ACOT2: variants seen among roughly 807,000 people sequenced by gnomAD.
ACOT2 encodes the protein acyl-coenzyme A thioesterase 2, mitochondrial.
In ACOT2, 15 loss-of-function variants were observed where a neutral mutation model predicts 20.1. The observed-to-expected ratio is 0.75, with a 90% CI of 0.50 to 1.15. ACOT2 has a LOEUF of 1.15. Ranked by LOEUF, ACOT2 falls within the 50% of genes most tolerant of loss-of-function variation. The pLI, the probability that ACOT2 is intolerant of heterozygous loss-of-function variation, is 0.00. For synonymous variants in ACOT2, 252 were observed against 268.4 expected, an observed-to-expected ratio of 0.94 and a Z score of 0.60; for missense variants, 479 against 615.3, an observed-to-expected ratio of 0.78 and a Z score of 2.34.
chr14:73,573,247 G>A lies in ACOT2; in HGVS notation c.644-141G>A, dbSNP rs117476751. ...AAACACTTGCCAGAGGTTTCTGGAC[G>A]AACAGGTTTTCATTTCTCGTGGGTA... On this transcript the variant is annotated intron_variant, in intron 1 of 2. Transcript: ENST00000238651. 4.4e-3 allele frequency: 5,755 copies of A among 1,295,584 alleles called. 60 individuals carry two copies. The highest frequency in any genetic ancestry group is 5.5e-3 in the Non-Finnish European group (4,979 of 903,332). 80.3% of individuals were successfully genotyped at this position (1,295,584 alleles called of 1,614,324 possible). A position where few individuals can be genotyped will look rare whatever the true frequency, so the allele number is the denominator to read the frequency against.
At chr14:73,569,937 C>CT in intron 1 of ACOT2, 54 bp downstream of exon 1, 3 of 1,548,262 alleles carry the variant, frequency 1.9e-6, no homozygotes, top group Non-Finnish European at 2.6e-6. Flanking sequence ...CTTTGTGTGT[C>CT]TCCCCCGCCC....
Position 73,569,653 on chromosome 14 carries a change from A to G in ACOT2, c.413A>G (p.Glu138Gly), listed in dbSNP as rs776061863. ...CTGGGCGGCAGCTTCGCGGGGCTTG[A>G]GCCCATGGGGCTGCTCTGGGCCTTG... is the stretch of plus-strand genomic sequence containing the variant. ...PALGGSFAGL[E>G]PMGLLWALEP... The change falls in exon 1 of 3, where the codon GAG (glutamate) becomes GGG (glycine). Residue 138 changes from glutamate to glycine, a missense_variant. Transcript: ENST00000238651. 16 of 1,605,540 alleles carry G rather than the reference A, an allele frequency of 1.0e-5. No individual in the cohort carries two copies. In the Admixed American group the frequency reaches 2.7e-4, roughly 27 times the overall value.
At chr14:73,572,175 C>A (rs199933129) in intron 1 of ACOT2, among the ~76,000 whole-genome samples, 8 of 20,376 alleles carry the variant, frequency 3.9e-4, no homozygotes, top group Admixed American at 6.8e-4. Flanking sequence ...TTATAAGAGG[C>A]CAGATGAGCA....
In ACOT2 at chr14:73,574,865, T is replaced by C. The variant is rs756694560; in HGVS notation, c.847-43T>C. On this transcript the variant is annotated intron_variant, in intron 2 of 2. Coordinates refer to ENST00000238651, the MANE Select transcript of ACOT2 (RefSeq NM_006821.6). Reference sequence around the variant, plus strand: ...GACACAACTCACCATATTCCACTGTTTGTGGAATCATTCTTCTTCTTTTTC... The same window carrying C: ...GACACAACTCACCATATTCCACTGTCTGTGGAATCATTCTTCTTCTTTTTC... 18 of 1,613,090 alleles carry C rather than the reference T, an allele frequency of 1.1e-5. 1 individual carries two copies. Among genetic ancestry groups the C allele is most frequent in the Non-Finnish European group, 1.5e-5 (18 of 1,179,198 alleles).
At chr14:73,572,639 ATTTTTTTT>A (rs10565980) in intron 1 of ACOT2, among the ~76,000 whole-genome samples, 2,622 of 107,166 alleles carry the variant, frequency 0.024, 143 homozygotes, top group South Asian at 0.091. Flanking sequence ...AGGTGTTTGC[ATTTTTTTT>A]TTTTTTTTTT....
chr14:73,572,105 T>C (rs1189167390), intron 1 of ACOT2, among the ~76,000 whole-genome samples: 2 of 143,252 alleles, frequency 1.4e-5, no homozygotes, highest in South Asian at 2.3e-4. Context: ...ACAATTTGTC[T>C]TAACTTACAA....
intron 1 of ACOT2, among the ~76,000 whole-genome samples, chr14:73,570,130 C>A (rs1267471774): frequency 6.6e-6 from 1 of 151,130 alleles, no homozygotes; most frequent in African/African-American, 2.4e-5. Context: ...TTTTCCGTCC[C>A]TGCCCTTTTC....
chr14:73,572,935 C>T (rs970731604), intron 1 of ACOT2, among the ~76,000 whole-genome samples: 1 of 151,362 alleles, frequency 6.6e-6, no homozygotes, highest in South Asian at 2.1e-4. Context: ...CGTGAGCCAC[C>T]GGACCCAGCC....
rs374671936 is a variant in ACOT2, at chr14:73,573,535, C to T, written c.791C>T (p.Thr264Met). The T allele has an allele frequency of 3.4e-5, 55 of 1,613,498 alleles. 1 individual carries two copies. Among genetic ancestry groups the T allele is most frequent in the South Asian group, 1.1e-4 (10 of 91,042 alleles). ...NYEDLPKTMETLHLEYFEEAM... is the reference protein window; with the variant it reads ...NYEDLPKTMEMLHLEYFEEAM... Reference sequence around the variant, plus strand: ...GAAGACCTCCCCAAGACCATGGAGACGCTCCATCTGGAGTACTTTGAAGAA... The same window carrying T: ...GAAGACCTCCCCAAGACCATGGAGATGCTCCATCTGGAGTACTTTGAAGAA... Residue 264 changes from threonine (T) to methionine (M), a missense_variant, in exon 2 of 3, where the codon ACG becomes ATG. Coordinates refer to ENST00000238651, the MANE Select transcript of ACOT2 (RefSeq NM_006821.6).
intron 2 of ACOT2, chr14:73,574,414 G>C (rs56410399): frequency 0.061 from 14,455 of 235,278 alleles, 664 homozygotes; most frequent in African/African-American, 0.19. Flanking sequence ...ACAGGCACGT[G>C]CCACTACTGC....
rs1566858274 is a variant in ACOT2, at chr14:73,569,456, G to A, written c.216G>A (p.Ala72=). ...CGGCGACGCTGATCCTGGAGCCTGC[G>A]GGCCGCTGCTGCTGGGACGAACCGG... ...RMAATLILEP[A]GRCCWDEPVR... is the part of the protein sequence containing the mutation. The change falls in exon 1 of 3, where the codon GCG becomes GCA. Residue 72 remains alanine, a synonymous_variant. Coordinates refer to ENST00000238651, the MANE Select transcript of ACOT2 (RefSeq NM_006821.6). 8 of 1,613,478 alleles carry A rather than the reference G, an allele frequency of 5.0e-6. No individual in the cohort carries two copies. In the Admixed American group the frequency reaches 5.0e-5, roughly 10 times the overall value.
At position 73,569,424 on chromosome 14, in the gene ACOT2, C is replaced by A. The variant is rs202179875; in HGVS notation, c.184C>A (p.Arg62=). 3 of 1,613,796 alleles carry A rather than the reference C, an allele frequency of 1.9e-6. No individual in the cohort carries two copies. The highest frequency in any genetic ancestry group is 2.5e-6 in the Non-Finnish European group (3 of 1,179,798). ...QVGQIIRVPA[R]MAATLILEPA... ...TGGTCAGATCATTAGGGTTCCTGCT[C>A]GGATGGCGGCGACGCTGATCCTGGA... The change falls in exon 1 of 3, where the codon CGG becomes AGG. Residue 62 remains arginine (R), a synonymous_variant. Transcript: ENST00000238651.
At position 73,575,248 on chromosome 14, in the gene ACOT2, A is replaced by C; in HGVS notation, c.1187A>C (p.Tyr396Ser). Residue 396 changes from tyrosine (Y) to serine (S), a missense_variant, in exon 3 of 3, where the codon TAT becomes TCT. Physicochemically the swap from Tyr to Ser is moderately radical, Grantham distance 144 (BLOSUM62 -2). Transcript: ENST00000238651. ...GACCACAACTGGAAGAGTGAGTTCT[A>C]TGCTAATGAGGCCTGTAAACGCTTG... is the stretch of plus-strand genomic sequence containing the variant. The part of the protein sequence containing the change: ...QDDHNWKSEF[Y>S]ANEACKRLQA... The C allele has an allele frequency of 1.1e-6, 1 of 884,510 alleles. No homozygotes were observed. Among genetic ancestry groups the C allele is most frequent in the African/African-American group, 2.4e-5 (1 of 41,530 alleles). 54.8% of individuals were successfully genotyped at this position (884,510 alleles called of 1,614,324 possible).
intron 1 of ACOT2, among the ~76,000 whole-genome samples, chr14:73,572,404 C>A (rs181100834): frequency 0.021 from 2,985 of 142,030 alleles, 26 homozygotes; most frequent in African/African-American, 0.077. Context: ...ACAGTCAAAC[C>A]CTAGGAGAAC....
At chr14:73,574,002 A>C (rs538521715) in intron 2 of ACOT2, among the ~76,000 whole-genome samples, 49 of 151,662 alleles carry the variant, frequency 3.2e-4, no homozygotes, top group African/African-American at 1.2e-3. Context: ...GCTGGATTAC[A>C]GGCATGAGCC....
chr14:73,574,724 G>A (rs986165399), intron 2 of ACOT2, among the ~76,000 whole-genome samples, 184 bp from the exon 3 acceptor site: 14 of 152,058 alleles, frequency 9.2e-5, no homozygotes, highest in Non-Finnish European at 1.5e-4. Context: ...ACCAAGAGTG[G>A]TGATGGACAA....
chr14:73,574,842 C>T, intron 2 of ACOT2, 66 bp from the exon 3 acceptor site: 1 of 1,609,870 alleles, frequency 6.2e-7, no homozygotes, highest in Non-Finnish European at 8.5e-7. Context: ...CCAGGGTGGA[C>T]ACAACTCACC....
upstream of ACOT2, among the ~76,000 whole-genome samples, chr14:73,568,652 C>T (rs1265573164): frequency 6.6e-6 from 1 of 151,870 alleles, no homozygotes; most frequent in African/African-American, 2.4e-5. Context: ...GGCGCGGTGG[C>T]TCATGCCTGT....
intron 1 of ACOT2, among the ~76,000 whole-genome samples, chr14:73,573,064 G>A (rs1180880114): frequency 2.6e-5 from 4 of 151,674 alleles, no homozygotes; most frequent in Non-Finnish European, 5.9e-5. Context: ...CGTTGAGTAA[G>A]TGCATTCTGT....
Sources: gnomAD v4.1 joint callset for allele counts (sites outside exome capture counted in the v4.1 genomes callset) on GRCh38, gnomAD v4.1.1 for gene constraint, MANE v1.5 for transcripts, NCBI Gene and HGNC (gene_info 2026-07-23, HGNC 2026-07-21) for gene names.